Variants in NR3C2 observed in about 807,000 individuals in gnomAD.
The protein encoded by NR3C2 is mineralocorticoid receptor.
In NR3C2, 15 loss-of-function variants were observed where a neutral mutation model predicts 86.4. That is an observed-to-expected ratio of 0.17 (90% CI 0.12 to 0.27). The LOEUF is 0.27. Among genes scored for constraint, NR3C2 ranks in the 10% least tolerant of loss-of-function variants. The pLI is 1.00. For missense variants in NR3C2, 960 were observed against 1,195.6 expected, an observed-to-expected ratio of 0.80 and a Z score of 2.91; for synonymous variants, 458 against 450.5, an observed-to-expected ratio of 1.02 and a Z score of -0.21.
intron 2 of NR3C2, among the ~76,000 whole-genome samples, chr4:148,406,577 A>C (rs1233643092): frequency 6.6e-6 from 1 of 152,116 alleles, no homozygotes; most frequent in African/African-American, 2.4e-5. Flanking sequence ...GTGAGAGAGG[A>C]GGTAAGAGAT....
chr4:148,167,607 C>G (rs1471182853), intron 4 of NR3C2, among the ~76,000 whole-genome samples: 2 of 152,162 alleles, frequency 1.3e-5, no homozygotes, highest in Non-Finnish European at 2.9e-5. Context: ...ACGCTTAGAA[C>G]TTATCTAAGT....
chr4:148,098,792 T>C (rs924931911), intron 8 of NR3C2, among the ~76,000 whole-genome samples: 45 of 152,370 alleles, frequency 3.0e-4, no homozygotes, highest in African/African-American at 1.0e-3. Context: ...AATTGGTCAA[T>C]TGGCATCTTC....
chr4:148,420,680 C>T lies in NR3C2; in HGVS notation c.1757+14424G>A, dbSNP rs1321976324. 2.0e-5 allele frequency among the ~76,000 whole-genome samples: 3 copies of T among 152,178 alleles called. No individual in the cohort carries two copies. In the East Asian group the frequency reaches 5.8e-4, roughly 29 times the overall value. ...CAAACCTCATGTCAAACTGTAATCC[C>T]CAATGTTGGAGATGGGAGCCTGGTG... On this transcript the variant is annotated intron_variant, in intron 2 of 8. Transcript: ENST00000358102.
rs368528144 is a variant in NR3C2 at position 148,110,380 on chromosome 4, T to C, written c.2799+3724A>G. Reference sequence around the variant, plus strand: ...ACATGGTTTAAGCAGAACTTTGATCTACAGTCAAAGGTTCTTATGTGTGTG... The same window carrying C: ...ACATGGTTTAAGCAGAACTTTGATCCACAGTCAAAGGTTCTTATGTGTGTG... On this transcript the variant is annotated intron_variant, in intron 8 of 8. Transcript: ENST00000358102. 9.8e-5 allele frequency among the ~76,000 whole-genome samples: 15 copies of C among 152,346 alleles called. No homozygotes were observed. In the South Asian group the frequency reaches 2.1e-3, roughly 21 times the overall value.
At chr4:148,123,632 C>T (rs1222869946) in intron 6 of NR3C2, among the ~76,000 whole-genome samples, 1 of 152,236 alleles carries the variant, frequency 6.6e-6, no homozygotes, top group Non-Finnish European at 1.5e-5. Context: ...TCTCTTTATA[C>T]TGTCTCTTTA....
intron 2 of NR3C2, among the ~76,000 whole-genome samples, chr4:148,318,742 ATTTG>A (rs760466686): frequency 5.1e-4 from 77 of 152,012 alleles, no homozygotes; most frequent in Non-Finnish European, 9.3e-4. Flanking sequence ...TTTCTTGTAA[ATTTG>A]TTTGAGTTCA....
intron 2 of NR3C2, among the ~76,000 whole-genome samples, chr4:148,352,497 C>G (rs769665368): frequency 2.6e-5 from 4 of 152,024 alleles, no homozygotes; most frequent in African/African-American, 4.8e-5. Flanking sequence ...GTTGCAAACT[C>G]ACCGCAGGCT....
At chr4:148,148,025 C>G (rs919900620) in intron 6 of NR3C2, among the ~76,000 whole-genome samples, 3 of 151,552 alleles carry the variant, frequency 2.0e-5, no homozygotes, top group Non-Finnish European at 2.9e-5. Context: ...TAACTTTAGT[C>G]AGGACACCTC....
chr4:148,184,980 A>T (rs1735824118), intron 4 of NR3C2, among the ~76,000 whole-genome samples: 1 of 152,196 alleles, frequency 6.6e-6, no homozygotes. Context: ...TGGGGCCATA[A>T]TGCCTTTGCT....
At chr4:148,228,948 A>C (rs1417259673) in intron 3 of NR3C2, among the ~76,000 whole-genome samples, 1 of 152,204 alleles carries the variant, frequency 6.6e-6, no homozygotes, top group Non-Finnish European at 1.5e-5. Context: ...GATGCCTATA[A>C]AAGAGCTGAG....
intron 2 of NR3C2, among the ~76,000 whole-genome samples, chr4:148,267,024 T>C (rs1740431231): frequency 1.3e-5 from 2 of 152,186 alleles, no homozygotes; most frequent in Admixed American, 1.3e-4. Context: ...GGATGACATG[T>C]TCCTATTTTT....
intron 3 of NR3C2, among the ~76,000 whole-genome samples, chr4:148,222,267 T>A (rs978297303): frequency 6.6e-6 from 1 of 152,186 alleles, no homozygotes; most frequent in African/African-American, 2.4e-5. Context: ...TTTCTATTAT[T>A]TGCAATTATG....
At chr4:148,169,926 G>A (rs1735048419) in intron 4 of NR3C2, among the ~76,000 whole-genome samples, 1 of 152,190 alleles carries the variant, frequency 6.6e-6, no homozygotes, top group African/African-American at 2.4e-5. Context: ...TCAACCTAAA[G>A]GTTCTGAATG....
chr4:148,366,092 G>C (rs1202925205), intron 2 of NR3C2, among the ~76,000 whole-genome samples: 3 of 151,756 alleles, frequency 2.0e-5, no homozygotes, highest in African/African-American at 4.8e-5. Flanking sequence ...CCAAATCTTT[G>C]TATAAATTTC....
chr4:148,219,684 C>G (rs1737730967), intron 3 of NR3C2, among the ~76,000 whole-genome samples: 1 of 152,022 alleles, frequency 6.6e-6, no homozygotes, highest in Non-Finnish European at 1.5e-5. Context: ...TTCAAAACAA[C>G]AGAAGAATCC....
chr4:148,337,291 A>G (rs1294514013), intron 2 of NR3C2, among the ~76,000 whole-genome samples: 1 of 152,208 alleles, frequency 6.6e-6, no homozygotes, highest in African/African-American at 2.4e-5. Context: ...TTTTTCTACA[A>G]TAAGGATATC....
intron 2 of NR3C2, among the ~76,000 whole-genome samples, chr4:148,381,156 A>G (rs1204675980): frequency 2.0e-5 from 3 of 151,902 alleles, no homozygotes; most frequent in African/African-American, 4.8e-5. Context: ...TGAGCCCAGG[A>G]GACAGAGGTT....
chr4:148,421,475 C>T (rs372490253), intron 2 of NR3C2, among the ~76,000 whole-genome samples: 26 of 152,244 alleles, frequency 1.7e-4, no homozygotes, highest in African/African-American at 4.1e-4. Context: ...CTTTTAAAGA[C>T]GAGTAACTGA....
chr4:148,386,250 G>C (rs755889480), intron 2 of NR3C2, among the ~76,000 whole-genome samples: 22 of 152,182 alleles, frequency 1.4e-4, no homozygotes, highest in Non-Finnish European at 2.8e-4. Flanking sequence ...TGAAGGTTCA[G>C]AAAATAAAAT....
Sources: allele counts gnomAD v4.1 joint callset (sites outside exome capture counted in the v4.1 genomes callset), GRCh38; gene constraint gnomAD v4.1.1; transcripts MANE v1.5; gene names NCBI Gene and HGNC (gene_info 2026-07-23, HGNC 2026-07-21).